Variants in NECTIN3 observed in about 807,000 individuals in gnomAD.
The protein encoded by NECTIN3 is nectin cell adhesion molecule 3, also known as nectin-3.
In NECTIN3, 8 loss-of-function variants were observed where a neutral mutation model predicts 49.4. The observed-to-expected ratio is 0.16, with a 90% CI of 0.10 to 0.29. The LOEUF (loss-of-function observed/expected upper bound fraction) is 0.29, where lower values mean the gene tolerates loss of function less well. Among genes scored for constraint, NECTIN3 ranks in the 10% least tolerant of loss-of-function variants. The probability of loss-of-function intolerance (pLI) is 1.00; values close to 1 mark genes in which losing one functional copy is unlikely to be tolerated. For missense variants in NECTIN3, 581 were observed against 654.6 expected, an observed-to-expected ratio of 0.89 and a Z score of 1.23; for synonymous variants, 277 against 241.1, an observed-to-expected ratio of 1.15 and a Z score of -1.38.
chr3:111,159,386 A>G (rs2035163169), intron 7 of NECTIN3, among the ~76,000 whole-genome samples: 1 of 152,212 alleles, frequency 6.6e-6, no homozygotes, highest in African/African-American at 2.4e-5. Flanking sequence ...GTTTTATTTT[A>G]AAGTCCTCTG....
chr3:111,086,384 TC>T (rs1447689846), intron 1 of NECTIN3, among the ~76,000 whole-genome samples: 2 of 152,166 alleles, frequency 1.3e-5, no homozygotes, highest in African/African-American at 4.8e-5. Flanking sequence ...TGAAATTTTT[TC>T]CCGCTAGAAT....
intron 1 of NECTIN3, among the ~76,000 whole-genome samples, chr3:111,083,261 A>G (rs1219327368): frequency 6.6e-6 from 1 of 152,174 alleles, no homozygotes; most frequent in Non-Finnish European, 1.5e-5. Context: ...GTAATTTGTG[A>G]GGGAACAAGA....
At chr3:111,179,785 C>G (rs72937965) in intron 7 of NECTIN3, among the ~76,000 whole-genome samples, 8 of 151,414 alleles carry the variant, frequency 5.3e-5, no homozygotes, top group African/African-American at 1.9e-4. Flanking sequence ...CCAAGCTACT[C>G]GGAAGGCTGA....
intron 7 of NECTIN3, among the ~76,000 whole-genome samples, chr3:111,172,930 G>T (rs969739085): frequency 6.6e-6 from 1 of 152,194 alleles, no homozygotes; most frequent in South Asian, 2.1e-4. Flanking sequence ...TGGATAAAAA[G>T]TGATAGAAGA....
chr3:111,188,830 A>G (rs139850340), upstream of NECTIN3, among the ~76,000 whole-genome samples: 30 of 152,274 alleles, frequency 2.0e-4, no homozygotes, highest in African/African-American at 6.5e-4. Flanking sequence ...ATGATCATTT[A>G]TTTTCCGGTC....
downstream of NECTIN3, among the ~76,000 whole-genome samples, chr3:111,138,399 A>T (rs1005884469): frequency 3.3e-5 from 5 of 151,714 alleles, no homozygotes; most frequent in East Asian, 1.9e-4. Context: ...ATCTGTTTTT[A>T]AAAATGCTTT....
At chr3:111,174,775 G>A (rs1490594901) in intron 7 of NECTIN3, among the ~76,000 whole-genome samples, 1 of 152,064 alleles carries the variant, frequency 6.6e-6, no homozygotes, top group African/African-American at 2.4e-5. Flanking sequence ...CAAGAGCCCA[G>A]GTGTGCATGT....
intron 1 of NECTIN3, among the ~76,000 whole-genome samples, chr3:111,097,304 A>G (rs1420309201): frequency 6.6e-6 from 1 of 151,832 alleles, no homozygotes; most frequent in Non-Finnish European, 1.5e-5. Flanking sequence ...CTGTACCCCC[A>G]TTGTATCTAG....
At chr3:111,110,895 A>G (rs2033429683) in intron 1 of NECTIN3, among the ~76,000 whole-genome samples, 1 of 152,132 alleles carries the variant, frequency 6.6e-6, no homozygotes, top group Non-Finnish European at 1.5e-5. Context: ...TCAGGGAAAT[A>G]ATATTGCATA....
At chr3:111,163,185 T>C (rs1179899444) in intron 7 of NECTIN3, among the ~76,000 whole-genome samples, 1 of 152,166 alleles carries the variant, frequency 6.6e-6, no homozygotes, top group Non-Finnish European at 1.5e-5. Flanking sequence ...CCCAAGGATC[T>C]CTTTCTTCAT....
At chr3:111,072,411 G>T (rs1432727616) in intron 1 of NECTIN3, 1 of 1,522,564 alleles carries the variant, frequency 6.6e-7, no homozygotes. Flanking sequence ...CGCGCGGGTC[G>T]CCGTGCGGAT....
chr3:111,124,919 T>C (rs1455304571), intron 4 of NECTIN3, among the ~76,000 whole-genome samples: 1 of 152,060 alleles, frequency 6.6e-6, no homozygotes, highest in Admixed American at 6.6e-5. Context: ...CTCCTAGTAA[T>C]TGAATGAAGG....
chr3:111,104,280 T>C (rs2033065261), intron 1 of NECTIN3, among the ~76,000 whole-genome samples: 1 of 152,008 alleles, frequency 6.6e-6, no homozygotes, highest in Non-Finnish European at 1.5e-5. Flanking sequence ...TTCATGTGCT[T>C]GTTAATGTAT....
chr3:111,087,847 G>A (rs1310882898), intron 1 of NECTIN3, among the ~76,000 whole-genome samples: 3 of 151,940 alleles, frequency 2.0e-5, no homozygotes, highest in African/African-American at 7.2e-5. Context: ...ACAGGCGCCC[G>A]CTACCACGCC....
rs1184981368 is a variant in NECTIN3 at position 111,136,105 on chromosome 3, C to G, written c.*1890C>G. ...TGAGGTGGCCAGAAGAAAGATGGGT[C>G]TAAAATTTCTCCCCATGAAAGATGT... is the stretch of plus-strand genomic sequence containing the variant. On this transcript the variant is annotated 3_prime_UTR_variant, in exon 6 of 6. Coordinates refer to ENST00000485303, the MANE Select transcript of NECTIN3 (RefSeq NM_015480.3). 3 of 983,544 alleles carry G rather than the reference C, an allele frequency of 3.1e-6. No individual in the cohort carries two copies. The highest frequency in any genetic ancestry group is 3.6e-6 in the Non-Finnish European group (3 of 828,606). The allele number at this position is 983,544 out of a possible 1,614,324, so 60.9% of individuals were successfully genotyped here.
intron 7 of NECTIN3, among the ~76,000 whole-genome samples, chr3:111,153,607 C>T (rs1429262522): frequency 6.6e-6 from 1 of 151,898 alleles, no homozygotes; most frequent in African/African-American, 2.4e-5. Context: ...ATTTAAAAAG[C>T]TGTATAATTC....
intron 7 of NECTIN3, among the ~76,000 whole-genome samples, chr3:111,183,611 G>A (rs1017003956): frequency 6.6e-5 from 10 of 151,948 alleles, no homozygotes; most frequent in African/African-American, 2.4e-4. Flanking sequence ...ACAATGCCCA[G>A]CCTATTTTTG....
chr3:111,193,121 C>T (rs913142704), intron 1 of NECTIN3: 1 of 1,274,954 alleles, frequency 7.8e-7, no homozygotes, highest in African/African-American at 1.5e-5. Context: ...GTAGTGAATT[C>T]TATTCTTGCC....
At chr3:111,139,923 A>G (rs1233676385), downstream of NECTIN3, among the ~76,000 whole-genome samples, 3 of 151,914 alleles carry the variant, frequency 2.0e-5, no homozygotes, top group African/African-American at 7.2e-5. Flanking sequence ...GGGAAACAAT[A>G]TGATTGCATT....
Sources: gnomAD v4.1 joint callset for allele counts (sites outside exome capture counted in the v4.1 genomes callset) on GRCh38, gnomAD v4.1.1 for gene constraint, MANE v1.5 for transcripts, NCBI Gene and HGNC (gene_info 2026-07-23, HGNC 2026-07-21) for gene names.